REPS1: variants seen among roughly 807,000 people sequenced by gnomAD.
REPS1 encodes the protein ralBP1-associated Eps domain-containing protein 1.
REPS1 carries 39 observed loss-of-function variants against 100.9 expected under a neutral mutation model. The observed-to-expected ratio is 0.39, with a 90% CI of 0.30 to 0.50. The LOEUF (loss-of-function observed/expected upper bound fraction) is 0.50. Ranked by LOEUF, REPS1 falls within the 20% of genes least tolerant of loss-of-function variation. The pLI is 0.86. For missense variants in REPS1, 821 were observed against 968.5 expected (o/e 0.85, Z 2.02); for synonymous variants, 324 against 340.3 (o/e 0.95, Z 0.53).
chr6:138,907,371 G>C, intron 19 of REPS1, 124 bp downstream of exon 19: 1 of 494,286 alleles, frequency 2.0e-6, no homozygotes, highest in Non-Finnish European at 3.7e-6. Context: ...CACAGTCAAA[G>C]CATCTAGAAA....
intron 1 of REPS1, among the ~76,000 whole-genome samples, chr6:138,955,867 T>C (rs1167073005): frequency 6.6e-6 from 1 of 152,172 alleles, no homozygotes; most frequent in Non-Finnish European, 1.5e-5. Context: ...CACTACCTCC[T>C]TCAGTTGCTG....
At chr6:138,979,180 CA>C (rs568626153) in intron 1 of REPS1, among the ~76,000 whole-genome samples, 666 of 59,320 alleles carry the variant, frequency 0.011, 2 homozygotes, top group African/African-American at 0.05. Flanking sequence ...GAATCCATCA[CA>C]AAAAAAAAAA....
intron 1 of REPS1, among the ~76,000 whole-genome samples, chr6:138,986,762 T>C (rs927870965): frequency 6.9e-6 from 1 of 144,590 alleles, no homozygotes; most frequent in Admixed American, 6.7e-5. Context: ...TTCTAGGAAG[T>C]CCTCTGTTTC....
intron 5 of REPS1, 21 bp from the exon 6 acceptor site, chr6:138,944,036 C>T: frequency 6.2e-7 from 1 of 1,611,484 alleles, no homozygotes; most frequent in Admixed American, 1.7e-5. Flanking sequence ...ACATTTTTTC[C>T]TCAGTACAAT....
intron 10 of REPS1, among the ~76,000 whole-genome samples, chr6:138,921,567 C>CTTTT (rs755518526): frequency 5.4e-4 from 31 of 57,682 alleles, no homozygotes; most frequent in East Asian, 1.1e-3. Context: ...TAGGAGGATC[C>CTTTT]TTTTTTTTTT....
At chr6:138,966,867 T>C (rs1784054332) in intron 1 of REPS1, among the ~76,000 whole-genome samples, 1 of 152,190 alleles carries the variant, frequency 6.6e-6, no homozygotes, top group Non-Finnish European at 1.5e-5. Context: ...TTCCTTACAT[T>C]TCATATAACT....
At chr6:138,969,221 T>C (rs1250615035) in intron 1 of REPS1, among the ~76,000 whole-genome samples, 2 of 150,382 alleles carry the variant, frequency 1.3e-5, no homozygotes, top group Non-Finnish European at 3.0e-5. Flanking sequence ...TCTTAAAAAC[T>C]TTCTGCCCTA....
intron 12 of REPS1, among the ~76,000 whole-genome samples, chr6:138,919,239 T>C (rs1442261158): frequency 1.7e-4 from 26 of 152,124 alleles, no homozygotes; most frequent in Admixed American, 1.6e-3. Flanking sequence ...TCCTCCACAA[T>C]GTACACAATA....
chr6:138,905,986 T>C (rs772989516), intron 19 of REPS1, among the ~76,000 whole-genome samples: 1 of 152,256 alleles, frequency 6.6e-6, no homozygotes, highest in Non-Finnish European at 1.5e-5. Context: ...GAACTACCTC[T>C]ATTTTGTACC....
At chr6:138,955,036 T>C (rs1403147897) in intron 1 of REPS1, among the ~76,000 whole-genome samples, 1 of 152,238 alleles carries the variant, frequency 6.6e-6, no homozygotes, top group African/African-American at 2.4e-5. Context: ...CCTCTACTGA[T>C]GGATATTTAG....
At chr6:138,914,051 T>C (rs1427029771) in intron 15 of REPS1, among the ~76,000 whole-genome samples, 2 of 152,174 alleles carry the variant, frequency 1.3e-5, no homozygotes, top group Non-Finnish European at 2.9e-5. Flanking sequence ...TCCAGAGAGA[T>C]GCAGTGAGGT....
At chr6:138,905,707 G>C (rs1779600935) in intron 19 of REPS1, among the ~76,000 whole-genome samples, 1 of 152,184 alleles carries the variant, frequency 6.6e-6, no homozygotes, top group African/African-American at 2.4e-5. Context: ...GTCACTGTTT[G>C]CAACAATGGG....
At chr6:138,920,385 AGT>A in intron 11 of REPS1, 69 bp from the exon 12 acceptor site, 2 of 670,434 alleles carry the variant, frequency 3.0e-6, no homozygotes, top group Non-Finnish European at 5.0e-6. Flanking sequence ...TAAAGCTCAG[AGT>A]GTAAGACTTC....
At chr6:138,912,988 T>A (rs746482889) in intron 15 of REPS1, 38 bp from the exon 16 acceptor site, 1 of 1,531,830 alleles carries the variant, frequency 6.5e-7, no homozygotes, top group Non-Finnish European at 8.9e-7. Context: ...ACACATTCTA[T>A]CAGCCTATCA....
chr6:138,927,949 CA>C (rs1219766276), intron 9 of REPS1: 2 of 151,994 alleles, frequency 1.3e-5, no homozygotes, highest in Non-Finnish European at 2.9e-5. Flanking sequence ...AGATTTTTGC[CA>C]AAAAGAAGGT....
At chr6:138,918,488 G>A (rs1294780884) in intron 12 of REPS1, among the ~76,000 whole-genome samples, 2 of 152,094 alleles carry the variant, frequency 1.3e-5, no homozygotes, top group Non-Finnish European at 2.9e-5. Context: ...CATATGTGCA[G>A]AATGAGAACT....
rs763228041 is a variant in REPS1, at chr6:138,943,808, A to G, written c.916+45T>C. ...ATGTCTTTGATATTATGAAATTGAG[A>G]TTCTCCTGTCCCATCTAGAAGAACT... On this transcript the variant is annotated intron_variant, in intron 6 of 19. Coordinates refer to ENST00000450536, the MANE Select transcript of REPS1 (RefSeq NM_001286611.2). 3 of 1,491,292 alleles carry G rather than the reference A, an allele frequency of 2.0e-6. No individual in the cohort carries two copies. In the Admixed American group the frequency reaches 6.1e-5, roughly 30 times the overall value. 92.4% of individuals were successfully genotyped at this position (1,491,292 alleles called of 1,614,324 possible).
At chr6:138,986,127 T>A (rs1346530433) in intron 1 of REPS1, among the ~76,000 whole-genome samples, 1 of 152,182 alleles carries the variant, frequency 6.6e-6, no homozygotes, top group African/African-American at 2.4e-5. Context: ...CTCCCTGAGC[T>A]AAGAATGGCT....
intron 12 of REPS1, among the ~76,000 whole-genome samples, chr6:138,919,398 C>G (rs1780608292): frequency 6.6e-6 from 1 of 152,144 alleles, no homozygotes; most frequent in Non-Finnish European, 1.5e-5. Flanking sequence ...ATTAGGAGAG[C>G]CAGACTGATC....
Sources: allele counts gnomAD v4.1 joint callset (sites outside exome capture counted in the v4.1 genomes callset), GRCh38; gene constraint gnomAD v4.1.1; transcripts MANE v1.5; gene names NCBI Gene and HGNC (gene_info 2026-07-23, HGNC 2026-07-21).